Variants in ABI1 observed in about 807,000 individuals in gnomAD.
ABI1 encodes Abelson interactor 1.
ABI1 carries 14 observed loss-of-function variants against 54.6 expected under a neutral mutation model. The observed-to-expected ratio is 0.26, with a 90% CI of 0.17 to 0.40. ABI1 has a LOEUF of 0.40. ABI1 is among the 10% of genes least tolerant of loss of function. The pLI is 1.00. For missense variants in ABI1, 443 were observed against 598.3 expected (o/e 0.74, Z 2.71); for synonymous variants, 194 against 209.3 (o/e 0.93, Z 0.63).
In ABI1 at chr10:26,746,805, G is replaced by C; in HGVS notation, c.*1765C>G. On this transcript the variant is annotated 3_prime_UTR_variant, in exon 11 of 11. Coordinates refer to ENST00000376140, the MANE Select transcript of ABI1 (RefSeq NM_001012750.3). Reference sequence around the variant, plus strand: ...ACCAATGTTAAAATTCAAATGGTTTGTCTTGATTTACCGTAGGAGTAAAGG... The same window carrying C: ...ACCAATGTTAAAATTCAAATGGTTTCTCTTGATTTACCGTAGGAGTAAAGG... 2.5e-6 allele frequency: 1 copy of C among 397,934 alleles called. No homozygotes were observed. The allele number at this position is 397,934 out of a possible 1,614,324, so 24.7% of individuals were successfully genotyped here. A position where few individuals can be genotyped will look rare whatever the true frequency, so the allele number is the denominator to read the frequency against.
At chr10:26,845,656 A>T (rs2049917232) in intron 1 of ABI1, among the ~76,000 whole-genome samples, 1 of 152,140 alleles carries the variant, frequency 6.6e-6, no homozygotes, top group Non-Finnish European at 1.5e-5. Context: ...AAATAATAAT[A>T]ATAATATAGA....
At chr10:26,815,688 A>G (rs1408136665) in intron 2 of ABI1, among the ~76,000 whole-genome samples, 1 of 152,172 alleles carries the variant, frequency 6.6e-6, no homozygotes, top group African/African-American at 2.4e-5. Flanking sequence ...TGGAAAGATC[A>G]CTTGAAGCAA....
chr10:26,761,670 A>G (rs1449268458), intron 7 of ABI1, among the ~76,000 whole-genome samples: 2 of 135,436 alleles, frequency 1.5e-5, no homozygotes, highest in African/African-American at 5.6e-5. Context: ...ATACACACAC[A>G]CATACACATA....
At chr10:26,820,893 T>A (rs2047933173) in intron 2 of ABI1, among the ~76,000 whole-genome samples, 1 of 151,968 alleles carries the variant, frequency 6.6e-6, no homozygotes, top group South Asian at 2.1e-4. Context: ...ACACCTATGT[T>A]AGAAAAGATT....
At chr10:26,790,044 T>G (rs190886861) in intron 2 of ABI1, among the ~76,000 whole-genome samples, 38 of 152,348 alleles carry the variant, frequency 2.5e-4, no homozygotes, top group African/African-American at 8.7e-4. Context: ...TGATGGGACA[T>G]TTAGATTGAT....
chr10:26,763,648 T>C (rs1839522738), intron 7 of ABI1, among the ~76,000 whole-genome samples: 1 of 152,138 alleles, frequency 6.6e-6, no homozygotes, highest in Non-Finnish European at 1.5e-5. Context: ...ACACATTAAG[T>C]TGGTTATAAA....
At chr10:26,819,147 T>A (rs1407142838) in intron 2 of ABI1, among the ~76,000 whole-genome samples, 1 of 151,990 alleles carries the variant, frequency 6.6e-6, no homozygotes, top group African/African-American at 2.4e-5. Flanking sequence ...CCAGAAGCCC[T>A]AAGGCAAACA....
At chr10:26,819,825 C>T (rs553160910) in intron 2 of ABI1, among the ~76,000 whole-genome samples, 67 of 152,294 alleles carry the variant, frequency 4.4e-4, no homozygotes, top group African/African-American at 1.5e-3. Flanking sequence ...AAACAGACTA[C>T]AATTCCTATT....
At chr10:26,818,036 G>A (rs944545169) in intron 2 of ABI1, among the ~76,000 whole-genome samples, 4 of 151,032 alleles carry the variant, frequency 2.6e-5, no homozygotes, top group African/African-American at 4.9e-5. Flanking sequence ...GCGCATGCCC[G>A]AAGTCCCAGC....
intron 2 of ABI1, among the ~76,000 whole-genome samples, chr10:26,806,144 C>A (rs1001071587): frequency 6.6e-6 from 1 of 152,200 alleles, no homozygotes; most frequent in African/African-American, 2.4e-5. Flanking sequence ...GTAAAACCAG[C>A]TCATTCAATC....
chr10:26,760,260 A>G (rs1338596148), intron 7 of ABI1, among the ~76,000 whole-genome samples: 1 of 152,208 alleles, frequency 6.6e-6, no homozygotes, highest in Non-Finnish European at 1.5e-5. Context: ...TTCCAAAGTT[A>G]ACTTTGGGAT....
intron 2 of ABI1, among the ~76,000 whole-genome samples, chr10:26,816,337 G>C (rs1281574640): frequency 1.3e-5 from 2 of 152,210 alleles, no homozygotes; most frequent in African/African-American, 4.8e-5. Context: ...GGAGACTACA[G>C]ATATGCAGCC....
At chr10:26,756,668 C>T (rs949570627) in intron 8 of ABI1, among the ~76,000 whole-genome samples, 1 of 152,076 alleles carries the variant, frequency 6.6e-6, no homozygotes, top group Non-Finnish European at 1.5e-5. Context: ...ATGTTTGTGA[C>T]TTTGTCTCAC....
intron 2 of ABI1, among the ~76,000 whole-genome samples, chr10:26,778,600 C>A (rs532430289): frequency 6.6e-6 from 1 of 151,862 alleles, no homozygotes; most frequent in Non-Finnish European, 1.5e-5. Flanking sequence ...ACTTTTTAAT[C>A]GAGAAAGAAC....
At chr10:26,786,121 C>T (rs1022932517) in intron 2 of ABI1, among the ~76,000 whole-genome samples, 3 of 152,264 alleles carry the variant, frequency 2.0e-5, no homozygotes, top group African/African-American at 4.8e-5. Context: ...TCTGACCACC[C>T]CCATCCCCAA....
intron 1 of ABI1, among the ~76,000 whole-genome samples, chr10:26,849,085 G>A (rs990907109): frequency 6.6e-6 from 1 of 152,170 alleles, no homozygotes; most frequent in Non-Finnish European, 1.5e-5. Flanking sequence ...TGTCTAGTGT[G>A]TTCTGCAGAC....
At chr10:26,798,789 G>A (rs903834005) in intron 2 of ABI1, among the ~76,000 whole-genome samples, 3 of 151,042 alleles carry the variant, frequency 2.0e-5, no homozygotes, top group African/African-American at 4.9e-5. Flanking sequence ...GCAGAACAGG[G>A]AATATACCTT....
chr10:26,782,281 G>A (rs1216465864), intron 2 of ABI1, among the ~76,000 whole-genome samples: 1 of 152,128 alleles, frequency 6.6e-6, no homozygotes, highest in Admixed American at 6.5e-5. Flanking sequence ...AGTCAAGGTA[G>A]GTGACAGTCT....
chr10:26,840,775 T>C (rs192940673), intron 1 of ABI1, among the ~76,000 whole-genome samples: 15 of 152,292 alleles, frequency 9.8e-5, no homozygotes, highest in Admixed American at 9.2e-4. Context: ...AATTTATTAA[T>C]AAATTATCAC....
Sources: gnomAD v4.1 joint callset for allele counts (sites outside exome capture counted in the v4.1 genomes callset) on GRCh38, gnomAD v4.1.1 for gene constraint, MANE v1.5 for transcripts, NCBI Gene and HGNC (gene_info 2026-07-23, HGNC 2026-07-21) for gene names.